Variants in CDH13 observed in about 807,000 individuals in gnomAD.
The protein encoded by CDH13 is cadherin-13.
In CDH13, 24 loss-of-function variants were observed where a neutral mutation model predicts 63.8. That is an observed-to-expected ratio of 0.38 (90% CI 0.27 to 0.53). The LOEUF (loss-of-function observed/expected upper bound fraction) is 0.53, where lower values mean the gene tolerates loss of function less well. Ranked by LOEUF, CDH13 falls within the 20% of genes least tolerant of loss-of-function variation. CDH13 has a pLI of 0.85. For missense variants in CDH13, 1,049 were observed against 903.1 expected (o/e 1.16, Z -2.07); for synonymous variants, 503 against 355.3 (o/e 1.42, Z -4.67).
intron 5 of CDH13, among the ~76,000 whole-genome samples, chr16:83,260,939 C>T (rs774345178): frequency 9.2e-5 from 14 of 151,918 alleles, no homozygotes; most frequent in Non-Finnish European, 1.8e-4. Context: ...GGCCATGTAT[C>T]GGGGGAGCTC....
At chr16:83,546,017 C>T (rs1028159154) in intron 7 of CDH13, among the ~76,000 whole-genome samples, 1 of 152,106 alleles carries the variant, frequency 6.6e-6, no homozygotes, top group South Asian at 2.1e-4. Context: ...TAAGCTAATA[C>T]TTAAGTCCAG....
At chr16:83,779,406 CAAAAAAAAAAAAAAA>C (rs144757645) in intron 11 of CDH13, among the ~76,000 whole-genome samples, 3 of 82,552 alleles carry the variant, frequency 3.6e-5, no homozygotes, top group South Asian at 4.6e-4. Flanking sequence ...GACTCCATCT[CAAAAAAAAAAAAAAA>C]AAAAAAAAAA....
Position 83,795,181 on chromosome 16 carries a change from C to G in CDH13, c.*151C>G, listed in dbSNP as rs903932506. Reference sequence around the variant, plus strand: ...GTTTTTTATTTTCTTTACAATTTCACTTAGTCTGTACTTCATCATTTTGAC... The same window carrying G: ...GTTTTTTATTTTCTTTACAATTTCAGTTAGTCTGTACTTCATCATTTTGAC... On this transcript the variant is annotated 3_prime_UTR_variant, in exon 14 of 14. Transcript: ENST00000567109. The G allele has an allele frequency of 3.2e-6, 2 of 633,894 alleles. No homozygotes were observed. Among genetic ancestry groups the G allele is most frequent in the African/African-American group, 1.8e-5 (1 of 54,334 alleles). 39.3% of individuals were successfully genotyped at this position (633,894 alleles called of 1,614,324 possible). A position where few individuals can be genotyped will look rare whatever the true frequency, so the allele number is the denominator to read the frequency against.
chr16:83,508,638 C>G (rs2074480692), intron 7 of CDH13, among the ~76,000 whole-genome samples: 2 of 152,138 alleles, frequency 1.3e-5, no homozygotes. Context: ...CCCGAGTCTC[C>G]CAGATGACCC....
intron 1 of CDH13, among the ~76,000 whole-genome samples, chr16:82,651,661 G>A (rs1012716324): frequency 3.3e-5 from 5 of 152,242 alleles, no homozygotes; most frequent in African/African-American, 1.2e-4. Flanking sequence ...CTTAGAGAGG[G>A]TAGGTACGCC....
At chr16:83,608,896 C>T (rs1265059073) in intron 8 of CDH13, among the ~76,000 whole-genome samples, 1 of 152,114 alleles carries the variant, frequency 6.6e-6, no homozygotes, top group African/African-American at 2.4e-5. Flanking sequence ...TGGCTGCAAA[C>T]TCTATGGTCA....
intron 2 of CDH13, among the ~76,000 whole-genome samples, chr16:82,987,975 A>G (rs1911164950): frequency 1.3e-5 from 2 of 152,152 alleles, no homozygotes; most frequent in South Asian, 2.1e-4. Context: ...ATTGTTTGCT[A>G]CACTAGCTGG....
At chr16:83,091,425 A>G (rs752159850) in intron 3 of CDH13, among the ~76,000 whole-genome samples, 6 of 152,222 alleles carry the variant, frequency 3.9e-5, no homozygotes, top group African/African-American at 1.4e-4. Flanking sequence ...GCCATTCTCT[A>G]TGAAAATCAC....
chr16:82,903,437 C>T (rs951907972), intron 2 of CDH13, among the ~76,000 whole-genome samples: 7 of 152,188 alleles, frequency 4.6e-5, no homozygotes, highest in African/African-American at 1.7e-4. Context: ...TAAGTGGGAG[C>T]CCTAGCTCAT....
At chr16:83,373,562 A>T (rs1449539465) in intron 6 of CDH13, among the ~76,000 whole-genome samples, 1 of 152,140 alleles carries the variant, frequency 6.6e-6, no homozygotes, top group African/African-American at 2.4e-5. Flanking sequence ...CAGGGAGTAG[A>T]AAGGGCTGGA....
intron 5 of CDH13, among the ~76,000 whole-genome samples, chr16:83,234,544 C>G (rs2040091107): frequency 6.6e-6 from 1 of 152,276 alleles, no homozygotes; most frequent in Non-Finnish European, 1.5e-5. Context: ...GCAACTGATG[C>G]TAAACAACAA....
intron 7 of CDH13, among the ~76,000 whole-genome samples, chr16:83,507,064 G>C (rs1183736899): frequency 1.3e-5 from 2 of 152,194 alleles, no homozygotes; most frequent in Non-Finnish European, 2.9e-5. Flanking sequence ...CACATAGTCT[G>C]TTTCACCAGC....
chr16:83,014,319 TAAAAAAA>T (rs34322579), intron 2 of CDH13, among the ~76,000 whole-genome samples: 7 of 67,716 alleles, frequency 1.0e-4, no homozygotes, highest in Non-Finnish European at 1.3e-4. Context: ...CCCAAATCGA[TAAAAAAA>T]AAAAAAAAAA....
intron 1 of CDH13, among the ~76,000 whole-genome samples, chr16:82,675,633 G>T (rs926608996): frequency 6.6e-6 from 1 of 152,036 alleles, no homozygotes; most frequent in Non-Finnish European, 1.5e-5. Flanking sequence ...ATATTTTTTG[G>T]TGCGGAGGCC....
chr16:83,315,433 C>A (rs972883907), intron 5 of CDH13, among the ~76,000 whole-genome samples: 2 of 152,168 alleles, frequency 1.3e-5, no homozygotes, highest in East Asian at 3.9e-4. Context: ...TAAACCTCAC[C>A]TCCAACCCCA....
At chr16:83,417,424 T>C (rs1196532951) in intron 6 of CDH13, among the ~76,000 whole-genome samples, 1 of 152,164 alleles carries the variant, frequency 6.6e-6, no homozygotes, top group Non-Finnish European at 1.5e-5. Context: ...CTGCCCTGAC[T>C]AGTTGAACTG....
chr16:83,613,207 G>T (rs1172516119), intron 8 of CDH13, among the ~76,000 whole-genome samples: 1 of 152,054 alleles, frequency 6.6e-6, no homozygotes, highest in Non-Finnish European at 1.5e-5. Context: ...CTTTTCTCTG[G>T]CTGCTTTCAA....
chr16:82,908,185 C>T (rs1038370684), intron 2 of CDH13, among the ~76,000 whole-genome samples: 4 of 152,202 alleles, frequency 2.6e-5, no homozygotes, highest in South Asian at 4.2e-4. Flanking sequence ...AAAAGGAAAA[C>T]GTCTGGAACC....
chr16:83,225,802 GT>G (rs2039822310), intron 5 of CDH13, among the ~76,000 whole-genome samples: 1 of 152,176 alleles, frequency 6.6e-6, no homozygotes, highest in African/African-American at 2.4e-5. Flanking sequence ...GTGAAGCCAA[GT>G]TTGAGAAACT....
Sources: gnomAD v4.1 joint callset for allele counts (sites outside exome capture counted in the v4.1 genomes callset) on GRCh38, gnomAD v4.1.1 for gene constraint, MANE v1.5 for transcripts, NCBI Gene and HGNC (gene_info 2026-07-23, HGNC 2026-07-21) for gene names.